Variants in CTHRC1 observed in about 807,000 individuals in gnomAD.
CTHRC1 encodes collagen triple helix repeat containing 1.
A neutral mutation model predicts 25.9 loss-of-function variants in CTHRC1; 21 were observed. The observed-to-expected ratio is 0.81, with a 90% CI of 0.57 to 1.17. The LOEUF is 1.17. Among genes scored for constraint, CTHRC1 ranks in the 50% most tolerant of loss-of-function variants. The pLI, the probability that CTHRC1 is intolerant of heterozygous loss-of-function variation, is 0.00. For missense variants in CTHRC1, 281 were observed against 304.3 expected (o/e 0.92, Z 0.57); for synonymous variants, 109 against 113.1 (o/e 0.96, Z 0.23).
At position 103,375,772 on chromosome 8, in the gene CTHRC1, TGCCTGGTCGAGACGGGA is replaced by T; in HGVS notation, c.189_205del (p.Gly64TrpfsTer30). 1 of 1,613,966 alleles carries T rather than the reference TGCCTGGTCGAGACGGGA, an allele frequency of 6.2e-7. No homozygotes were observed. Among genetic ancestry groups the T allele is most frequent in the Non-Finnish European group, 8.5e-7 (1 of 1,179,998 alleles). ...ATGTGCTTACAAGGGCCAGCAGGAG[TGCCTGGTCGAGACGGGA>T]GCCCTGGGGCCAATGGCATTCCGGG... On this transcript the variant is annotated frameshift_variant, in exon 2 of 4. Coordinates refer to ENST00000330295, the MANE Select transcript of CTHRC1 (RefSeq NM_138455.4). LOFTEE classifies it high-confidence loss of function.
At chr8:103,379,704 A>C (rs2130407734) in intron 3 of CTHRC1, among the ~76,000 whole-genome samples, 1 of 152,278 alleles carries the variant, frequency 6.6e-6, no homozygotes, top group Non-Finnish European at 1.5e-5. Context: ...TAATCTTATA[A>C]TTAAAAATGG....
intron 3 of CTHRC1, among the ~76,000 whole-genome samples, chr8:103,378,469 G>C (rs1815848467): frequency 6.6e-6 from 1 of 152,188 alleles, no homozygotes; most frequent in South Asian, 2.1e-4. Context: ...ATCTCTAGCA[G>C]TAAGACCACA....
chr8:103,380,314 G>C (rs1177835547), intron 3 of CTHRC1, among the ~76,000 whole-genome samples: 4 of 152,190 alleles, frequency 2.6e-5, no homozygotes, highest in Non-Finnish European at 5.9e-5. Flanking sequence ...CCCAACCATT[G>C]TGTGCAAACT....
At chr8:103,377,657 G>A (rs1436390895) in intron 2 of CTHRC1, among the ~76,000 whole-genome samples, 2 of 152,160 alleles carry the variant, frequency 1.3e-5, no homozygotes, top group African/African-American at 4.8e-5. Context: ...AGGCTAAAGT[G>A]CAGTGGCACA....
chr8:103,375,250 A>G (rs1190247008), intron 1 of CTHRC1, among the ~76,000 whole-genome samples: 2 of 152,230 alleles, frequency 1.3e-5, no homozygotes, highest in African/African-American at 2.4e-5. Flanking sequence ...TCTTAAGGAA[A>G]TAATTCAAAA....
intron 1 of CTHRC1, among the ~76,000 whole-genome samples, chr8:103,374,986 C>T (rs924920091): frequency 1.3e-5 from 2 of 152,146 alleles, no homozygotes; most frequent in Non-Finnish European, 2.9e-5. Context: ...AAATCATAGT[C>T]CTTACAGACA....
At chr8:103,380,783 T>G (rs565790876) in intron 3 of CTHRC1, among the ~76,000 whole-genome samples, 1 of 152,322 alleles carries the variant, frequency 6.6e-6, no homozygotes, top group Non-Finnish European at 1.5e-5. Context: ...AGGCCATGGC[T>G]GTCAAGACCC....
chr8:103,373,415 G>T (rs757070975), intron 1 of CTHRC1, among the ~76,000 whole-genome samples: 4 of 150,796 alleles, frequency 2.7e-5, no homozygotes, highest in African/African-American at 4.9e-5. Flanking sequence ...AGAAACAGGG[G>T]CGTATAAAAG....
At position 103,371,612 on chromosome 8, in the gene CTHRC1, G is replaced by C; in HGVS notation, c.-45G>C. ...AGACGCTGACCACGTTCCTCTCCTC[G>C]GTCTCCTCCGCCTCCAGCTCCGCGC... On this transcript the variant is annotated 5_prime_UTR_variant, in exon 1 of 4. Transcript: ENST00000330295. The C allele has an allele frequency of 1.3e-6, 2 of 1,523,836 alleles. No individual in the cohort carries two copies. Among genetic ancestry groups the C allele is most frequent in the Non-Finnish European group, 1.8e-6 (2 of 1,137,526 alleles). The allele number at this position is 1,523,836 out of a possible 1,614,324, so 94.4% of individuals were successfully genotyped here.
intron 1 of CTHRC1, among the ~76,000 whole-genome samples, chr8:103,375,160 C>A (rs1274379680): frequency 6.6e-6 from 1 of 152,106 alleles, no homozygotes; most frequent in Non-Finnish European, 1.5e-5. Flanking sequence ...GATTTTCATA[C>A]CCAAGTTGGA....
chr8:103,381,867 A>C (rs901267073), intron 3 of CTHRC1, among the ~76,000 whole-genome samples: 3 of 152,050 alleles, frequency 2.0e-5, no homozygotes, highest in African/African-American at 7.2e-5. Context: ...GCGTGGTGGC[A>C]GGTGCCTGTA....
intron 3 of CTHRC1, among the ~76,000 whole-genome samples, chr8:103,381,498 T>G (rs1245493376): frequency 6.6e-6 from 1 of 151,418 alleles, no homozygotes; most frequent in South Asian, 2.1e-4. Context: ...TTTGGTAAGA[T>G]GGAATGCAAC....
chr8:103,377,296 A>G (rs1238830467), intron 2 of CTHRC1: 1 of 152,608 alleles, frequency 6.6e-6, no homozygotes, highest in Non-Finnish European at 1.5e-5. Flanking sequence ...AATGGACAGA[A>G]CTAGTCTAGA....
intron 1 of CTHRC1, chr8:103,372,533 A>C (rs1815725783): frequency 5.0e-6 from 8 of 1,598,298 alleles, no homozygotes; most frequent in Non-Finnish European, 6.8e-6. Context: ...CTGTCATTAC[A>C]CACACCCTGG....
chr8:103,372,141 A>G (rs1370030298), intron 1 of CTHRC1, among the ~76,000 whole-genome samples: 3 of 151,792 alleles, frequency 2.0e-5, no homozygotes, highest in African/African-American at 7.3e-5. Flanking sequence ...GGTGGGAGGG[A>G]TAGGGCGGCA....
chr8:103,374,422 T>C (rs1309117611), intron 1 of CTHRC1, among the ~76,000 whole-genome samples: 1 of 152,208 alleles, frequency 6.6e-6, no homozygotes, highest in Admixed American at 6.5e-5. Flanking sequence ...GAGTAAACAT[T>C]TAAATGGATT....
Position 103,382,508 on chromosome 8 carries a change from T to C in CTHRC1, c.640T>C (p.Trp214Arg), listed in dbSNP as rs756872409. 6.2e-7 allele frequency: 1 copy of C among 1,613,640 alleles called. No homozygotes were observed. Among genetic ancestry groups the C allele is most frequent in the Non-Finnish European group, 8.5e-7 (1 of 1,179,650 alleles). Reference protein sequence around the residue: ...IGAGLVDVAIWVGTCSDYPKG... With the variant: ...IGAGLVDVAIRVGTCSDYPKG... ...TGCTGGATTAGTGGATGTTGCTATC[T>C]GGGTTGGTACTTGTTCAGATTACCC... The change falls in exon 4 of 4, where the codon TGG becomes CGG. Residue 214 changes from tryptophan (W) to arginine (R), a missense_variant. Transcript: ENST00000330295.
In CTHRC1 at chr8:103,371,580, C is replaced by T. The variant is rs993296393; in HGVS notation, c.-77C>T. ...AGCCTGCGGCGGCCTCGGAGCGCGG[C>T]GGAGCCAGACGCTGACCACGTTCCT... On this transcript the variant is annotated 5_prime_UTR_variant, in exon 1 of 4. Coordinates refer to ENST00000330295, the MANE Select transcript of CTHRC1 (RefSeq NM_138455.4). The T allele has an allele frequency of 2.7e-6, 4 of 1,467,202 alleles. No homozygotes were observed. The African/African-American group carries it at 4.4e-5, about 16-fold the overall frequency. 90.9% of individuals were successfully genotyped at this position (1,467,202 alleles called of 1,614,324 possible).
chr8:103,375,161 C>A (rs1815782565), intron 1 of CTHRC1, among the ~76,000 whole-genome samples: 1 of 152,032 alleles, frequency 6.6e-6, no homozygotes, highest in Non-Finnish European at 1.5e-5. Context: ...ATTTTCATAC[C>A]CAAGTTGGAG....
Sources: allele counts gnomAD v4.1 joint callset (sites outside exome capture counted in the v4.1 genomes callset), GRCh38; gene constraint gnomAD v4.1.1; transcripts MANE v1.5; gene names NCBI Gene and HGNC (gene_info 2026-07-23, HGNC 2026-07-21).